The following PLA2G1B variants were observed in gnomAD, a reference collection of about 807,000 sequenced individuals.
PLA2G1B encodes the protein phospholipase A2 group IB.
A neutral mutation model predicts 12.5 loss-of-function variants in PLA2G1B; 12 were observed. The ratio of observed to expected loss-of-function variants is 0.96; its 90% CI spans 0.62 to 1.56. PLA2G1B has a LOEUF of 1.56. Ranked by LOEUF, PLA2G1B falls within the 40% of genes most tolerant of loss-of-function variation. PLA2G1B has a pLI of 0.00. For synonymous variants in PLA2G1B, 81 were observed against 73.4 expected, an observed-to-expected ratio of 1.10 and a Z score of -0.53; for missense variants, 189 against 186.7, an observed-to-expected ratio of 1.01 and a Z score of -0.07.
chr12:120,326,698 C>T lies in PLA2G1B; in HGVS notation c.35-678G>A, dbSNP rs375441425. Among the ~76,000 whole-genome samples the T allele has an allele frequency of 3.1e-4, 47 of 151,782 alleles. No homozygotes were observed. In the South Asian group the frequency reaches 6.2e-3, roughly 20 times the overall value. On this transcript the variant is annotated intron_variant, in intron 1 of 3. Transcript: ENST00000308366. ...ATAATAAATGTGATAAGGCCGGGCA[C>T]GGTGGCTCATGCCTGTAATCCCAGC...
rs1020933258 is a variant in PLA2G1B at position 120,325,975 on chromosome 12, A to G, written c.80T>C (p.Phe27Ser). 4 of 1,613,994 alleles carry G rather than the reference A, an allele frequency of 2.5e-6. No individual in the cohort carries two copies. In the South Asian group the frequency reaches 4.4e-5, roughly 18 times the overall value. Residue 27 changes from phenylalanine to serine, a missense_variant, in exon 2 of 4, where the codon TTC becomes TCC. Physicochemically the swap from Phe to Ser is radical, Grantham distance 155. Coordinates refer to ENST00000308366, the MANE Select transcript of PLA2G1B (RefSeq NM_000928.3). Reference sequence around the variant, plus strand: ...GATCACGCACTTGATCATTTTGCGGAACTGCCACACGGCCCGAGGGCTGAT... The same window carrying G: ...GATCACGCACTTGATCATTTTGCGGGACTGCCACACGGCCCGAGGGCTGAT... ...SGISPRAVWQFRKMIKCVIPG... is the reference protein window; with the variant it reads ...SGISPRAVWQSRKMIKCVIPG...
At position 120,325,897 on chromosome 12, in the gene PLA2G1B, A is replaced by G. The variant is rs1360601498; in HGVS notation, c.158T>C (p.Leu53Ser). ...ATCCACGGGGGTGCCTGAGCCCCCC[A>G]AGCCACAGTAGCAGCCGTAGTTGTT... ...EYNNYGCYCG[L>S]GGSGTPVDEL... The change falls in exon 2 of 4, where the codon TTG (leucine) becomes TCG (serine). Residue 53 changes from leucine (L) to serine (S), a missense_variant. Coordinates refer to ENST00000308366, the MANE Select transcript of PLA2G1B (RefSeq NM_000928.3). 11 of 1,614,128 alleles carry G rather than the reference A, an allele frequency of 6.8e-6. No individual in the cohort carries two copies. The highest frequency in any genetic ancestry group is 8.5e-6 in the Non-Finnish European group (10 of 1,179,990).
chr12:120,323,189 C>T (rs1204712371), intron 3 of PLA2G1B, among the ~76,000 whole-genome samples: 1 of 152,116 alleles, frequency 6.6e-6, no homozygotes, highest in Non-Finnish European at 1.5e-5. Flanking sequence ...TGCATTTAAA[C>T]TTTATTACAT....
At chr12:120,326,907 C>A (rs1055498817) in intron 1 of PLA2G1B, among the ~76,000 whole-genome samples, 4 of 151,664 alleles carry the variant, frequency 2.6e-5, no homozygotes, top group Non-Finnish European at 5.9e-5. Context: ...GCAGGTGGAG[C>A]TTGCAGTGAG....
Position 120,322,280 on chromosome 12 carries a change from G to A in PLA2G1B, c.360C>T (p.Cys120=), listed in dbSNP as rs749061804. Reference sequence around the variant, plus strand: ...AAAAGCAGATGGCAGCGTTGCGGTCGCAGTTGCAAATGAAGGCCTCACACT... The same window carrying A: ...AAAAGCAGATGGCAGCGTTGCGGTCACAGTTGCAAATGAAGGCCTCACACT... ...NKECEAFICN[C]DRNAAICFSK... Residue 120 remains cysteine, a synonymous_variant, in exon 4 of 4, where the codon TGC becomes TGT. Coordinates refer to ENST00000308366, the MANE Select transcript of PLA2G1B (RefSeq NM_000928.3). 3.7e-6 allele frequency: 6 copies of A among 1,613,918 alleles called. No homozygotes were observed. Among genetic ancestry groups the A allele is most frequent in the African/African-American group, 1.3e-5 (1 of 74,990 alleles).
chr12:120,326,014 G>A lies in PLA2G1B; in HGVS notation c.41C>T (p.Ala14Val). The change falls in exon 2 of 4, where the codon GCC becomes GTC. Residue 14 changes from alanine (A) to valine (V), a missense_variant. Physicochemically the swap from Ala to Val is moderately conservative, Grantham distance 64. Coordinates refer to ENST00000308366, the MANE Select transcript of PLA2G1B (RefSeq NM_000928.3). ...CCGAGGGCTGATGCCGCTGTCGGCG[G>A]CGGCCACTGCAAGAAGACATAGCCA... ...LVLAVLLTVAAADSGISPRAV... is the reference protein window; with the variant it reads ...LVLAVLLTVAVADSGISPRAV... 2.5e-6 allele frequency: 4 copies of A among 1,613,812 alleles called. No individual in the cohort carries two copies. The highest frequency in any genetic ancestry group is 3.4e-6 in the Non-Finnish European group (4 of 1,179,950).
chr12:120,324,955 C>T lies in PLA2G1B; in HGVS notation c.301G>A (p.Gly101Ser), dbSNP rs1873308872. The change falls in exon 3 of 4, where the codon GGC becomes AGC. Residue 101 changes from glycine (G) to serine (S), a missense_variant. Transcript: ENST00000308366. ...YTHTYSYSCS[G>S]SAITCSSKNK... Reference sequence around the variant, plus strand: ...CTACTGCTACAGGTGATTGCCGAGCCAGAGCACGAGTATGAATAGGTGTGG... The same window carrying T: ...CTACTGCTACAGGTGATTGCCGAGCTAGAGCACGAGTATGAATAGGTGTGG... 1 of 1,613,980 alleles carries T rather than the reference C, an allele frequency of 6.2e-7. No homozygotes were observed. The highest frequency in any genetic ancestry group is 8.5e-7 in the Non-Finnish European group (1 of 1,180,020).
In PLA2G1B at chr12:120,322,138, G is replaced by A; in HGVS notation, c.*55C>T. On this transcript the variant is annotated 3_prime_UTR_variant, in exon 4 of 4. Coordinates refer to ENST00000308366, the MANE Select transcript of PLA2G1B (RefSeq NM_000928.3). ...AGGTCTTTCAACAAGGTGCTTTATTGGAGAGTACAGTGTGAGATGAGGCAG... is the reference window on the plus strand; with the variant it reads ...AGGTCTTTCAACAAGGTGCTTTATTAGAGAGTACAGTGTGAGATGAGGCAG... The A allele has an allele frequency of 6.4e-7, 1 of 1,572,844 alleles. No individual in the cohort carries two copies. Among genetic ancestry groups the A allele is most frequent in the South Asian group, 1.1e-5 (1 of 87,518 alleles).
At chr12:120,324,835 A>G in intron 3 of PLA2G1B, 99 bp downstream of exon 3, 1 of 1,311,082 alleles carries the variant, frequency 7.6e-7, no homozygotes, top group Middle Eastern at 1.9e-4. Context: ...CCCAGAACCA[A>G]GAAAATTAAC....
chr12:120,326,181 A>T, intron 1 of PLA2G1B, 161 bp from the exon 2 acceptor site: 5 of 373,034 alleles, frequency 1.3e-5, no homozygotes, highest in Non-Finnish European at 2.1e-5. Flanking sequence ...AAGTGGGTAG[A>T]GGTTTTTTTT....
At chr12:120,322,352 G>T in intron 3 of PLA2G1B, 35 bp from the exon 4 acceptor site, 2 of 1,603,840 alleles carry the variant, frequency 1.2e-6, no homozygotes, top group Non-Finnish European at 1.7e-6. Context: ...CTGAGCCAAG[G>T]TGGACCCTGT....
chr12:120,322,259 G>C lies in PLA2G1B; in HGVS notation c.381C>G (p.Cys127Trp). The change falls in exon 4 of 4, where the codon TGC (cysteine) becomes TGG (tryptophan). Residue 127 changes from cysteine (C) to tryptophan (W), a missense_variant. Coordinates refer to ENST00000308366, the MANE Select transcript of PLA2G1B (RefSeq NM_000928.3). Reference sequence around the variant, plus strand: ...CCTTGTTATATGGAGCTTTTGAAAAGCAGATGGCAGCGTTGCGGTCGCAGT... The same window carrying C: ...CCTTGTTATATGGAGCTTTTGAAAACCAGATGGCAGCGTTGCGGTCGCAGT... ...ICNCDRNAAI[C>W]FSKAPYNKAH... 1 of 1,614,024 alleles carries C rather than the reference G, an allele frequency of 6.2e-7. No homozygotes were observed. Among genetic ancestry groups the C allele is most frequent in the Non-Finnish European group, 8.5e-7 (1 of 1,179,940 alleles).
intron 2 of PLA2G1B, 140 bp downstream of exon 2, chr12:120,325,721 T>C (rs1039880234): frequency 3.8e-6 from 3 of 795,464 alleles, no homozygotes; most frequent in Non-Finnish European, 5.9e-6. Context: ...TGGAACATAT[T>C]TGTTTATTTG....
intron 3 of PLA2G1B, among the ~76,000 whole-genome samples, chr12:120,324,049 C>T (rs551772818): frequency 9.0e-4 from 137 of 152,262 alleles, no homozygotes; most frequent in Admixed American, 3.0e-3. Flanking sequence ...CAGTGACTCA[C>T]GCCTATAATT....
At chr12:120,327,476 A>G (rs552435214) in intron 1 of PLA2G1B, among the ~76,000 whole-genome samples, 13 of 152,258 alleles carry the variant, frequency 8.5e-5, no homozygotes, top group African/African-American at 3.1e-4. Flanking sequence ...CCCTGTCTGG[A>G]AAAAAGAAAA....
chr12:120,326,055 T>C (rs1407927249), intron 1 of PLA2G1B, 35 bp from the exon 2 acceptor site: 1 of 1,608,592 alleles, frequency 6.2e-7, no homozygotes, highest in East Asian at 2.2e-5. Flanking sequence ...CAAATCGGTC[T>C]GCCAGCACCC....
rs374913471 is a variant in PLA2G1B, at chr12:120,325,997, T to C, written c.58A>G (p.Ser20Gly). ...LTVAAADSGI[S>G]PRAVWQFRKM... ...CGGAACTGCCACACGGCCCGAGGGC[T>C]GATGCCGCTGTCGGCGGCGGCCACT... The change falls in exon 2 of 4, where the codon AGC becomes GGC. Residue 20 changes from serine (S) to glycine (G), a missense_variant. Transcript: ENST00000308366. The C allele has an allele frequency of 3.2e-5, 51 of 1,613,892 alleles. No individual in the cohort carries two copies. The highest frequency in any genetic ancestry group is 4.0e-5 in the African/African-American group (3 of 74,906).
In PLA2G1B at chr12:120,325,894, C is replaced by T. The variant is rs1418482664; in HGVS notation, c.161G>A (p.Gly54Glu). The change falls in exon 2 of 4, where the codon GGG (glycine) becomes GAG (glutamate). Residue 54 changes from glycine to glutamate, a missense_variant. Transcript: ENST00000308366. ...TTCATCCACGGGGGTGCCTGAGCCCCCCAAGCCACAGTAGCAGCCGTAGTT... is the reference window on the plus strand; with the variant it reads ...TTCATCCACGGGGGTGCCTGAGCCCTCCAAGCCACAGTAGCAGCCGTAGTT... ...YNNYGCYCGL[G>E]GSGTPVDELD... 3.7e-6 allele frequency: 6 copies of T among 1,614,064 alleles called. No individual in the cohort carries two copies. In the South Asian group the frequency reaches 5.5e-5, roughly 15 times the overall value.
intron 1 of PLA2G1B, among the ~76,000 whole-genome samples, chr12:120,327,309 TAAAATAAAAATA>T (rs1386538906): frequency 6.6e-6 from 1 of 151,170 alleles, no homozygotes; most frequent in Non-Finnish European, 1.5e-5. Flanking sequence ...TAAAATAAAG[TAAAATAAAAATA>T]AAAATTAAAA....
Sources: gnomAD v4.1 joint callset for allele counts (sites outside exome capture counted in the v4.1 genomes callset) on GRCh38, gnomAD v4.1.1 for gene constraint, MANE v1.5 for transcripts, NCBI Gene and HGNC (gene_info 2026-07-23, HGNC 2026-07-21) for gene names.